Variants in ADAMTS7 observed in about 807,000 individuals in gnomAD.
ADAMTS7 encodes ADAM metallopeptidase with thrombospondin type 1 motif 7.
In ADAMTS7, 89 loss-of-function variants were observed where a neutral mutation model predicts 172.6. The ratio of observed to expected loss-of-function variants is 0.52; its 90% CI spans 0.43 to 0.61. The LOEUF is 0.61. Among genes scored for constraint, ADAMTS7 ranks in the 20% least tolerant of loss-of-function variants. The pLI is 0.00. For synonymous variants in ADAMTS7, 885 were observed against 978.4 expected, an observed-to-expected ratio of 0.90 and a Z score of 1.78; for missense variants, 1,973 against 2,355.6, an observed-to-expected ratio of 0.84 and a Z score of 3.36.
intron 8 of ADAMTS7, among the ~76,000 whole-genome samples, chr15:78,787,537 G>A (rs760104476): frequency 1.5e-4 from 23 of 151,988 alleles, no homozygotes; most frequent in Non-Finnish European, 2.8e-4. Context: ...TGTGGCACAC[G>A]CCTGTAGTCC....
chr15:78,788,197 T>G, intron 8 of ADAMTS7, 34 bp downstream of exon 8: 2 of 1,610,918 alleles, frequency 1.2e-6, no homozygotes, highest in Non-Finnish European at 1.7e-6. Flanking sequence ...ACCTCATGGA[T>G]CAAGGTATAG....
intron 1 of ADAMTS7, among the ~76,000 whole-genome samples, chr15:78,807,389 A>C (rs1411311002): frequency 1.3e-5 from 2 of 152,236 alleles, no homozygotes; most frequent in East Asian, 3.8e-4. Flanking sequence ...CCTGCTGTAG[A>C]TCCTGGGCAA....
In ADAMTS7 at chr15:78,766,872, G is replaced by T. The variant is rs375368981; in HGVS notation, c.3039C>A (p.His1013Gln). The stretch of plus-strand genomic sequence containing the variant: ...TGAAGTCAGCCTCGTTGAAGAGCTC[G>T]TGGCTGGAGGAGCCGCTGCCTGAGC... ...PEGSGSGSSS[H>Q]ELFNEADFIP... Residue 1013 changes from histidine (H) to glutamine (Q), a missense_variant, in exon 19 of 24, where the codon CAC (histidine) becomes CAA (glutamine). Around this residue, in one of 8 missense-constraint regions of ADAMTS7, gnomAD observed 771 missense variants for 952.6 expected, o/e 0.81. Transcript: ENST00000388820. 6.2e-7 allele frequency: 1 copy of T among 1,609,206 alleles called. No individual in the cohort carries two copies. Among genetic ancestry groups the T allele is most frequent in the Admixed American group, 1.7e-5 (1 of 59,840 alleles).
rs529893355 is a variant in ADAMTS7, at chr15:78,768,323, C to T, written c.2519-64G>A. The T allele has an allele frequency of 2.0e-5, 32 of 1,603,544 alleles. No homozygotes were observed. The African/African-American group carries it at 3.5e-4, about 17-fold the overall frequency. The stretch of plus-strand genomic sequence containing the variant: ...GTGCCCACCACCCAAGACCCAAAGA[C>T]ACCCTCTCTGCCAGAACCCTCCCAG... On this transcript the variant is annotated intron_variant, in intron 16 of 23. Transcript: ENST00000388820.
intron 8 of ADAMTS7, among the ~76,000 whole-genome samples, chr15:78,785,546 CAAA>C (rs58203887): frequency 0.36 from 45,448 of 124,662 alleles, 7,896 homozygotes; most frequent in Middle Eastern, 0.46. Context: ...GAGAGTCTCT[CAAA>C]AAAAAAAAAA....
At chr15:78,777,236 T>C in intron 9 of ADAMTS7, 1 of 705,976 alleles carries the variant, frequency 1.4e-6, no homozygotes, top group Admixed American at 2.9e-5. Context: ...AGTTGGTCCA[T>C]GGTTGACCCA....
At chr15:78,780,256 G>A (rs2055411050) in intron 8 of ADAMTS7, among the ~76,000 whole-genome samples, 2 of 151,700 alleles carry the variant, frequency 1.3e-5, no homozygotes, top group East Asian at 2.0e-4. Context: ...TAATTATAGC[G>A]GGGCTGGGCA....
rs748058226 is a variant in ADAMTS7 at position 78,798,018 on chromosome 15, G to A, written c.552C>T (p.Tyr184=). The A allele has an allele frequency of 1.9e-6, 3 of 1,582,130 alleles. No individual in the cohort carries two copies. The highest frequency in any genetic ancestry group is 1.2e-5 in the South Asian group (1 of 86,800). The change falls in exon 3 of 24, where the codon TAC becomes TAT. Residue 184 remains tyrosine (Y), a synonymous_variant. Transcript: ENST00000388820. ...CCAGCCTCTCCGGGGCCTGACGCTT[G>A]TACACCACATGGGGCTGGGCGTGGC... is the stretch of plus-strand genomic sequence containing the variant. The part of the protein sequence containing the change: ...RPGHAQPHVV[Y]KRQAPERLAQ...
intron 11 of ADAMTS7, among the ~76,000 whole-genome samples, chr15:78,775,750 A>G (rs907322986): frequency 2.0e-5 from 3 of 152,212 alleles, no homozygotes; most frequent in East Asian, 1.9e-4. Context: ...CCTGGCCTGC[A>G]TAAACTGCAT....
intron 4 of ADAMTS7, among the ~76,000 whole-genome samples, chr15:78,795,169 C>G (rs2055626905): frequency 6.6e-6 from 1 of 152,238 alleles, no homozygotes; most frequent in Admixed American, 6.5e-5. Flanking sequence ...AGGAGGGAAC[C>G]TCAGGGCCTG....
Position 78,767,009 on chromosome 15 carries a change from G to C in ADAMTS7, c.2902C>G (p.Leu968Val). The C allele has an allele frequency of 6.3e-7, 1 of 1,584,418 alleles. No individual in the cohort carries two copies. Residue 968 changes from leucine (L) to valine (V), a missense_variant, in exon 19 of 24, where the codon CTC (leucine) becomes GTC (valine). Transcript: ENST00000388820. ...GGGACACCGGTGTCATTGGTGCAGA[G>C]GACATTTCGGCGCTGAGTGCCCTCC... ...CGEGTQRRNV[L>V]CTNDTGVPCD... is the part of the protein sequence containing the mutation.
At chr15:78,762,888 C>T (rs2055071417) in intron 22 of ADAMTS7, among the ~76,000 whole-genome samples, 1 of 152,224 alleles carries the variant, frequency 6.6e-6, no homozygotes, top group Admixed American at 6.5e-5. Flanking sequence ...GGGATGGAGC[C>T]CTGATGCAGC....
chr15:78,781,120 C>T lies in ADAMTS7; in HGVS notation c.1323-3532G>A, dbSNP rs142532387. Among the ~76,000 whole-genome samples, 385 of 147,500 alleles carry T rather than the reference C, an allele frequency of 2.6e-3. 1 individual carries two copies. The highest frequency in any genetic ancestry group is 9.3e-3 in the African/African-American group (350 of 37,762). On this transcript the variant is annotated intron_variant, in intron 8 of 23. Coordinates refer to ENST00000388820, the MANE Select transcript of ADAMTS7 (RefSeq NM_014272.5). The stretch of plus-strand genomic sequence containing the variant: ...GAAGCCAAAGGGCTTCAGGACCAGC[C>T]AGGATGAGAGGGTGGTCTGTGAGTG...
At chr15:78,804,466 T>C (rs2055763733) in intron 1 of ADAMTS7, among the ~76,000 whole-genome samples, 1 of 152,122 alleles carries the variant, frequency 6.6e-6, no homozygotes, top group Non-Finnish European at 1.5e-5. Flanking sequence ...TTCACGACAA[T>C]AGACTCTTCA....
chr15:78,770,470 G>C (rs1423660239), intron 16 of ADAMTS7, among the ~76,000 whole-genome samples: 2 of 133,038 alleles, frequency 1.5e-5, no homozygotes, highest in Non-Finnish European at 3.2e-5. Flanking sequence ...AGACCAAGCA[G>C]GGGGAGGAAG....
At chr15:78,794,915 C>A (rs1273338474) in intron 4 of ADAMTS7, among the ~76,000 whole-genome samples, 1 of 152,176 alleles carries the variant, frequency 6.6e-6, no homozygotes, top group Non-Finnish European at 1.5e-5. Flanking sequence ...TAGGGTTTCA[C>A]CATGTTGGCC....
intron 5 of ADAMTS7, 115 bp from the exon 6 acceptor site, chr15:78,790,909 G>A (rs1042518102): frequency 1.1e-5 from 16 of 1,486,524 alleles, no homozygotes; most frequent in African/African-American, 9.7e-5. Flanking sequence ...TGGGAGGCCC[G>A]CAGGCACCAG....
At chr15:78,763,131 CT>C (rs1369443345) in intron 22 of ADAMTS7, among the ~76,000 whole-genome samples, 35 of 152,232 alleles carry the variant, frequency 2.3e-4, no homozygotes, top group African/African-American at 7.7e-4. Flanking sequence ...CTCTCCTAAG[CT>C]GTTCCAGTTT....
chr15:78,789,600 T>A (rs192474954), intron 7 of ADAMTS7, 89 bp downstream of exon 7: 1 of 1,533,644 alleles, frequency 6.5e-7, no homozygotes, highest in East Asian at 2.3e-5. Context: ...TCCCCTGGAC[T>A]TTGTGACCCA....
Sources: allele counts gnomAD v4.1 joint callset (sites outside exome capture counted in the v4.1 genomes callset), GRCh38; gene constraint gnomAD v4.1.1; regional missense constraint gnomAD v4.1.1; transcripts MANE v1.5; gene names NCBI Gene and HGNC (gene_info 2026-07-23, HGNC 2026-07-21).